OPCML: variants seen among roughly 807,000 people sequenced by gnomAD.
OPCML encodes the protein opioid binding protein/cell adhesion molecule like, also known as opioid-binding protein/cell adhesion molecule.
A neutral mutation model predicts 37.8 loss-of-function variants in OPCML; 13 were observed. The observed-to-expected ratio is 0.34, with a 90% CI of 0.22 to 0.55. The LOEUF (loss-of-function observed/expected upper bound fraction) is 0.55. Ranked by LOEUF, OPCML falls within the 20% of genes least tolerant of loss-of-function variation. OPCML has a pLI of 0.91. For missense variants in OPCML, 341 were observed against 435.6 expected, an observed-to-expected ratio of 0.78 and a Z score of 1.93; for synonymous variants, 176 against 168.8, an observed-to-expected ratio of 1.04 and a Z score of -0.33.
At chr11:132,458,509 A>T (rs1458958921) in intron 4 of OPCML, among the ~76,000 whole-genome samples, 1 of 152,252 alleles carries the variant, frequency 6.6e-6, no homozygotes, top group African/African-American at 2.4e-5. Context: ...AAGAACAGCA[A>T]TTGTCAAACT....
At chr11:132,724,387 A>G (rs1487991805) in intron 2 of OPCML, among the ~76,000 whole-genome samples, 1 of 152,046 alleles carries the variant, frequency 6.6e-6, no homozygotes, top group Non-Finnish European at 1.5e-5. Context: ...CCCTTATATA[A>G]CCATGAGATC....
In OPCML at chr11:133,210,230, T is replaced by C. The variant is rs75865114; in HGVS notation, c.62-267220A>G. On this transcript the variant is annotated intron_variant, in intron 1 of 7. Transcript: ENST00000524381. ...CAGTAATTGGGCTCTCCAAAGCCTT[T>C]TCACTGAATTTGCTCAAGTTGTGTT... Among the ~76,000 whole-genome samples the C allele has an allele frequency of 2.0e-3, 302 of 152,354 alleles. 4 individuals carry two copies. The highest frequency in any genetic ancestry group is 6.8e-3 in the African/African-American group (281 of 41,588).
At chr11:132,435,694 T>C (rs145176861) in intron 7 of OPCML, among the ~76,000 whole-genome samples, 28 of 152,326 alleles carry the variant, frequency 1.8e-4, no homozygotes, top group African/African-American at 6.5e-4. Context: ...ATGAGAATCA[T>C]GATGGAAGCA....
intron 1 of OPCML, chr11:133,025,476 T>C (rs1443090352): frequency 1.1e-5 from 11 of 985,308 alleles, no homozygotes; most frequent in Non-Finnish European, 1.2e-5. Flanking sequence ...CCTTAACTAT[T>C]TGGTAATCTA....
intron 1 of OPCML, among the ~76,000 whole-genome samples, chr11:133,444,456 G>C (rs1470009765): frequency 6.6e-6 from 1 of 152,150 alleles, no homozygotes; most frequent in Non-Finnish European, 1.5e-5. Context: ...TGATTTGAGA[G>C]ACTGAGTTAG....
At chr11:133,082,628 G>A (rs1378223866) in intron 1 of OPCML, among the ~76,000 whole-genome samples, 1 of 2,120 alleles carries the variant, frequency 4.7e-4, no homozygotes, top group Non-Finnish European at 8.2e-4. Flanking sequence ...TACTACCCCC[G>A]CCCCACCCCG....
chr11:132,551,057 G>C (rs1169807747), intron 3 of OPCML, among the ~76,000 whole-genome samples: 1 of 152,136 alleles, frequency 6.6e-6, no homozygotes, highest in Non-Finnish European at 1.5e-5. Context: ...TTACCCTGAG[G>C]CTTCCAGAGA....
intron 3 of OPCML, among the ~76,000 whole-genome samples, chr11:132,581,791 C>T (rs1394000310): frequency 2.0e-5 from 3 of 151,992 alleles, no homozygotes; most frequent in African/African-American, 7.2e-5. Flanking sequence ...TGCTTGACTG[C>T]CATGAGGTCT....
At chr11:132,564,124 G>A (rs76056815) in intron 3 of OPCML, among the ~76,000 whole-genome samples, 590 of 152,320 alleles carry the variant, frequency 3.9e-3, no homozygotes, top group African/African-American at 0.013. Context: ...GTTCAGTGAC[G>A]CCTGCTCTCC....
chr11:132,775,353 A>T (rs1946775373), intron 2 of OPCML, among the ~76,000 whole-genome samples: 1 of 152,184 alleles, frequency 6.6e-6, no homozygotes, highest in Non-Finnish European at 1.5e-5. Flanking sequence ...TCACTCCCAG[A>T]ATTGATTTGA....
chr11:132,920,736 T>C (rs902655505), intron 2 of OPCML, among the ~76,000 whole-genome samples: 3 of 152,196 alleles, frequency 2.0e-5, no homozygotes, highest in African/African-American at 7.2e-5. Flanking sequence ...ACACGGGTAA[T>C]TGGATTTATC....
At chr11:132,527,266 T>C (rs1443261624) in intron 4 of OPCML, among the ~76,000 whole-genome samples, 1 of 152,200 alleles carries the variant, frequency 6.6e-6, no homozygotes, top group Non-Finnish European at 1.5e-5. Flanking sequence ...AATTGCTGGG[T>C]CGTACGCTAA....
At chr11:133,111,841 C>T (rs577448404) in intron 1 of OPCML, among the ~76,000 whole-genome samples, 2 of 152,290 alleles carry the variant, frequency 1.3e-5, no homozygotes, top group East Asian at 3.9e-4. Flanking sequence ...GATTAGATTT[C>T]CACCTTTGAT....
chr11:133,357,660 C>T (rs185738813), intron 1 of OPCML, among the ~76,000 whole-genome samples: 1 of 152,312 alleles, frequency 6.6e-6, no homozygotes, highest in East Asian at 1.9e-4. Flanking sequence ...AATGTGTCCA[C>T]ACCCTAAATT....
chr11:132,477,356 T>C (rs1406469977), intron 4 of OPCML, among the ~76,000 whole-genome samples: 1 of 152,194 alleles, frequency 6.6e-6, no homozygotes, highest in Non-Finnish European at 1.5e-5. Flanking sequence ...TGCACAGTGG[T>C]ACAGACGTCT....
At chr11:132,577,069 C>T (rs565664866) in intron 3 of OPCML, among the ~76,000 whole-genome samples, 1 of 152,278 alleles carries the variant, frequency 6.6e-6, no homozygotes, top group Non-Finnish European at 1.5e-5. Context: ...TACAGGGACT[C>T]CAGTGAGAGA....
intron 4 of OPCML, among the ~76,000 whole-genome samples, chr11:132,496,148 G>A (rs758533590): frequency 9.9e-5 from 15 of 152,100 alleles, no homozygotes; most frequent in African/African-American, 2.2e-4. Flanking sequence ...GAGGCTGTGC[G>A]TATCATACTC....
At position 133,147,915 on chromosome 11, in the gene OPCML, C is replaced by T. The variant is rs147057881; in HGVS notation, c.62-204905G>A. ...ACTCAAAATTGCCCCGTTTACTGCC[C>T]GTCCTGCAGTTGTTACTCAGCGAAC... On this transcript the variant is annotated intron_variant, in intron 1 of 7. Transcript: ENST00000524381. 3.8e-3 allele frequency among the ~76,000 whole-genome samples: 578 copies of T among 152,282 alleles called. 4 individuals are homozygous for T. Among genetic ancestry groups the T allele is most frequent in the African/African-American group, 0.012 (519 of 41,552 alleles).
intron 1 of OPCML, among the ~76,000 whole-genome samples, chr11:132,945,851 C>T (rs1187231604): frequency 3.3e-5 from 5 of 152,170 alleles, no homozygotes; most frequent in African/African-American, 7.2e-5. Context: ...GGCGCAATCT[C>T]GGCTCACTGC....
Sources: gnomAD v4.1 joint callset for allele counts (sites outside exome capture counted in the v4.1 genomes callset) on GRCh38, gnomAD v4.1.1 for gene constraint, MANE v1.5 for transcripts, NCBI Gene and HGNC (gene_info 2026-07-23, HGNC 2026-07-21) for gene names.